MARCHF1: variants seen among roughly 807,000 people sequenced by gnomAD.
MARCHF1 encodes E3 ubiquitin-protein ligase MARCHF1.
Under a neutral mutation model 54.2 loss-of-function variants are expected in MARCHF1, and 40 were observed. The ratio of observed to expected loss-of-function variants is 0.74; its 90% CI spans 0.57 to 0.96. The LOEUF is 0.96. Ranked by LOEUF, MARCHF1 falls within the 40% of genes least tolerant of loss-of-function variation. The pLI is 0.00. For missense variants in MARCHF1, 586 were observed against 656.5 expected, an observed-to-expected ratio of 0.89 and a Z score of 1.17; for synonymous variants, 236 against 236.3, an observed-to-expected ratio of 1.00 and a Z score of 0.01.
At chr4:163,864,521 A>G (rs561339729) in intron 3 of MARCHF1, among the ~76,000 whole-genome samples, 3 of 152,082 alleles carry the variant, frequency 2.0e-5, no homozygotes, top group South Asian at 4.1e-4. Context: ...AAAATGAAAA[A>G]AATACGAATG....
chr4:164,279,920 CA>C (rs1412724120), intron 1 of MARCHF1, among the ~76,000 whole-genome samples: 2 of 151,606 alleles, frequency 1.3e-5, no homozygotes, highest in African/African-American at 4.8e-5. Flanking sequence ...CTTTACATAA[CA>C]TGAATGAAAT....
At chr4:164,025,220 A>T (rs1753741051) in intron 2 of MARCHF1, among the ~76,000 whole-genome samples, 1 of 152,172 alleles carries the variant, frequency 6.6e-6, no homozygotes, top group Non-Finnish European at 1.5e-5. Flanking sequence ...CTGGACTTAA[A>T]TGTGACAATC....
intron 1 of MARCHF1, among the ~76,000 whole-genome samples, chr4:164,249,394 A>C (rs1250007041): frequency 3.3e-5 from 5 of 152,190 alleles, no homozygotes; most frequent in African/African-American, 1.2e-4. Context: ...AGAGGAGCAT[A>C]AATAAAGACT....
intron 2 of MARCHF1, among the ~76,000 whole-genome samples, chr4:164,064,657 C>G (rs1401631785): frequency 6.6e-6 from 1 of 152,086 alleles, no homozygotes; most frequent in African/African-American, 2.4e-5. Context: ...GTTGCCTGAT[C>G]GCCCTGGCCA....
In MARCHF1 at chr4:163,612,339, C is replaced by T. The variant is rs542983457; in HGVS notation, c.942G>A (p.Gln314=). The change falls in exon 7 of 10, where the codon CAG becomes CAA. Residue 314 remains glutamine (Q), a synonymous_variant. Coordinates refer to ENST00000514618, the MANE Select transcript of MARCHF1 (RefSeq NM_001394959.1). ...GAGGCTTCTGAACAGGGTTATTCAC[C>T]TGGAGCCCTGCATCATTCATGTCCT... is the stretch of plus-strand genomic sequence containing the variant. ...GSKDMNDAGL[Q]VNNPVQKPPA... is the part of the protein sequence containing the mutation. 1,213 of 1,534,796 alleles carry T rather than the reference C, an allele frequency of 7.9e-4. 1 individual carries two copies. The highest frequency in any genetic ancestry group is 1.6e-3 in the South Asian group (137 of 83,914).
intron 1 of MARCHF1, among the ~76,000 whole-genome samples, chr4:164,273,815 G>A (rs1733802486): frequency 6.6e-6 from 1 of 152,174 alleles, no homozygotes; most frequent in Non-Finnish European, 1.5e-5. Flanking sequence ...GACAATTTCT[G>A]AAGATGTCCT....
chr4:163,647,348 T>C (rs534986935), intron 5 of MARCHF1, among the ~76,000 whole-genome samples: 1 of 152,106 alleles, frequency 6.6e-6, no homozygotes, highest in East Asian at 1.9e-4. Flanking sequence ...CAACAATGGA[T>C]AGATCATCCA....
intron 1 of MARCHF1, among the ~76,000 whole-genome samples, chr4:164,175,629 T>A (rs760005973): frequency 6.6e-6 from 1 of 152,224 alleles, no homozygotes; most frequent in East Asian, 1.9e-4. Flanking sequence ...CTCTGTAATG[T>A]AAGTAGACTT....
At chr4:163,895,834 G>C (rs1264836846) in intron 3 of MARCHF1, among the ~76,000 whole-genome samples, 10 of 152,122 alleles carry the variant, frequency 6.6e-5, no homozygotes, top group Non-Finnish European at 1.2e-4. Context: ...CACAAACAGA[G>C]TCCCTAAGCC....
At chr4:164,235,658 C>T (rs1193990101) in intron 1 of MARCHF1, among the ~76,000 whole-genome samples, 1 of 152,044 alleles carries the variant, frequency 6.6e-6, no homozygotes, top group Non-Finnish European at 1.5e-5. Flanking sequence ...ACTGTATGTG[C>T]TCACTTATAA....
intron 1 of MARCHF1, among the ~76,000 whole-genome samples, chr4:164,366,245 A>C (rs1453247639): frequency 1.3e-5 from 2 of 152,046 alleles, no homozygotes; most frequent in East Asian, 3.8e-4. Context: ...GTCCATTCCA[A>C]TAAACAGTCC....
intron 3 of MARCHF1, among the ~76,000 whole-genome samples, chr4:163,965,230 T>C (rs1752419260): frequency 6.6e-6 from 1 of 151,970 alleles, no homozygotes; most frequent in Non-Finnish European, 1.5e-5. Flanking sequence ...TTTCAAAATA[T>C]GGAGACTCTA....
intron 1 of MARCHF1, among the ~76,000 whole-genome samples, chr4:164,321,541 C>T (rs1409099727): frequency 6.6e-6 from 1 of 151,424 alleles, no homozygotes; most frequent in African/African-American, 2.4e-5. Flanking sequence ...AGTTATCAGA[C>T]TTACACAAAA....
At chr4:164,129,185 G>C (rs553783239) in intron 1 of MARCHF1, among the ~76,000 whole-genome samples, 2 of 152,320 alleles carry the variant, frequency 1.3e-5, no homozygotes, top group East Asian at 3.9e-4. Context: ...GTGGATTTTT[G>C]TGTGGCTTTT....
At chr4:163,885,254 C>T (rs891859576) in intron 3 of MARCHF1, among the ~76,000 whole-genome samples, 1 of 152,086 alleles carries the variant, frequency 6.6e-6, no homozygotes, top group Non-Finnish European at 1.5e-5. Flanking sequence ...CAGTCATTCA[C>T]CTTTAGCATG....
At chr4:164,318,417 T>G (rs1280599054) in intron 1 of MARCHF1, among the ~76,000 whole-genome samples, 3 of 152,186 alleles carry the variant, frequency 2.0e-5, no homozygotes, top group Admixed American at 2.0e-4. Context: ...AAAACGTTCA[T>G]ACTGCCACAC....
At chr4:163,682,263 T>C (rs1382735154) in intron 5 of MARCHF1, among the ~76,000 whole-genome samples, 1 of 152,034 alleles carries the variant, frequency 6.6e-6, no homozygotes. Flanking sequence ...AAACAGAGCA[T>C]GAAAGTTTGG....
intron 3 of MARCHF1, among the ~76,000 whole-genome samples, chr4:163,987,876 C>T (rs994399311): frequency 3.3e-5 from 5 of 152,136 alleles, no homozygotes; most frequent in Admixed American, 1.3e-4. Context: ...AAAGGCTCAC[C>T]GTAAGAAGTT....
At chr4:164,369,906 A>C (rs1730987667) in intron 1 of MARCHF1, among the ~76,000 whole-genome samples, 1 of 152,226 alleles carries the variant, frequency 6.6e-6, no homozygotes, top group Non-Finnish European at 1.5e-5. Context: ...CAACATGTAA[A>C]AATCAACATG....
Sources: allele counts gnomAD v4.1 joint callset (sites outside exome capture counted in the v4.1 genomes callset), GRCh38; gene constraint gnomAD v4.1.1; transcripts MANE v1.5; gene names NCBI Gene and HGNC (gene_info 2026-07-23, HGNC 2026-07-21).